The following NUFIP1 variants were observed in gnomAD, a reference collection of about 807,000 sequenced individuals.
NUFIP1 encodes the protein FMR1-interacting protein NUFIP1.
In NUFIP1, 38 loss-of-function variants were observed where a neutral mutation model predicts 56.2. The observed-to-expected ratio is 0.68, with a 90% CI of 0.52 to 0.89. The LOEUF (loss-of-function observed/expected upper bound fraction) is 0.89. Ranked by LOEUF, NUFIP1 falls within the 40% of genes least tolerant of loss-of-function variation. The pLI, the probability that NUFIP1 is intolerant of heterozygous loss-of-function variation, is 0.00. For synonymous variants in NUFIP1, 215 were observed against 212.4 expected (o/e 1.01, Z -0.10); for missense variants, 567 against 605.8 (o/e 0.94, Z 0.67).
At chr13:44,949,199 A>ATTT (rs11421255) in intron 8 of NUFIP1, among the ~76,000 whole-genome samples, 1,463 of 112,572 alleles carry the variant, frequency 0.013, 100 homozygotes, top group African/African-American at 0.033. Context: ...ATTATATTGT[A>ATTT]TTTTTTTTTT....
intron 8 of NUFIP1, among the ~76,000 whole-genome samples, chr13:44,946,749 C>T (rs755473574): frequency 6.6e-6 from 1 of 152,078 alleles, no homozygotes; most frequent in Non-Finnish European, 1.5e-5. Flanking sequence ...CAGATTGTTC[C>T]TATATATTTA....
rs146493488 is a variant in NUFIP1 at position 44,966,927 on chromosome 13, C to T, written c.735-991G>A. On this transcript the variant is annotated intron_variant, in intron 5 of 9. Coordinates refer to ENST00000379161, the MANE Select transcript of NUFIP1 (RefSeq NM_012345.3). ...GGTGGAGGTTGCAGTGACCTGAGAT[C>T]GTGCCGCTGCACTCCAGCCTAGGTG... is the stretch of plus-strand genomic sequence containing the variant. 6.6e-3 allele frequency among the ~76,000 whole-genome samples: 995 copies of T among 151,326 alleles called. 13 individuals carry two copies. Among genetic ancestry groups the T allele is most frequent in the African/African-American group, 0.023 (931 of 41,296 alleles).
At chr13:44,956,636 C>G (rs1285441109) in intron 7 of NUFIP1, among the ~76,000 whole-genome samples, 1 of 152,140 alleles carries the variant, frequency 6.6e-6, no homozygotes, top group Non-Finnish European at 1.5e-5. Flanking sequence ...AAGCACACAA[C>G]CTAAATCCCT....
chr13:44,943,531 C>A lies in NUFIP1; in HGVS notation c.1282G>T (p.Glu428Ter), dbSNP rs1199343716. The A allele has an allele frequency of 1.2e-6, 2 of 1,613,992 alleles. No individual in the cohort carries two copies. Among genetic ancestry groups the A allele is most frequent in the African/African-American group, 2.7e-5 (2 of 74,992 alleles). ...AKSENRKKSF[E>*]KTNPKRKKDY... ...TTTTTCCTCTTAGGGTTTGTTTTTT[C>A]AAAGCTTTTCTTTCGGTTCTCACTC... The change falls in exon 9 of 10, where the codon GAA (glutamate) becomes TAA (stop). Residue 428 changes from glutamate to a stop codon, truncating the protein, a stop_gained. Coordinates refer to ENST00000379161, the MANE Select transcript of NUFIP1 (RefSeq NM_012345.3). LOFTEE classifies it high-confidence loss of function.
intron 7 of NUFIP1, 107 bp downstream of exon 7, chr13:44,959,274 T>C (rs534427698): frequency 3.5e-5 from 35 of 990,802 alleles, no homozygotes; most frequent in African/African-American, 3.1e-4. Context: ...TCATTCTGCA[T>C]TGTTATACAT....
rs569028360 is a variant in NUFIP1 at position 44,983,002 on chromosome 13, T to C, written c.413-848A>G. On this transcript the variant is annotated intron_variant, in intron 1 of 9. Transcript: ENST00000379161. ...CAGTCTAGGCAACAGCACAAGACCC[T>C]GTCTCTGTCTCTTTTAAAAAAATTA... 2.0e-5 allele frequency among the ~76,000 whole-genome samples: 3 copies of C among 152,268 alleles called. No homozygotes were observed. The East Asian group carries it at 5.8e-4, about 29-fold the overall frequency.
At chr13:44,988,672 A>G (rs968477299) in intron 1 of NUFIP1, among the ~76,000 whole-genome samples, 10 of 152,212 alleles carry the variant, frequency 6.6e-5, no homozygotes, top group Non-Finnish European at 1.0e-4. Flanking sequence ...TCAATAAATA[A>G]CTGCTAAATG....
In NUFIP1 at chr13:44,943,592, A is replaced by G. The variant is rs769517482; in HGVS notation, c.1221T>C (p.Asp407=). 3.2e-5 allele frequency: 51 copies of G among 1,614,074 alleles called. No homozygotes were observed. The highest frequency in any genetic ancestry group is 3.3e-4 in the Middle Eastern group (2 of 6,082). Residue 407 remains aspartate (D), a synonymous_variant, in exon 9 of 10, where the codon GAT becomes GAC. Transcript: ENST00000379161. The part of the protein sequence containing the change: ...DSSAPKSPSQ[D]VKATVRNFSE... ...AAAAATTTCTAACAGTTGCTTTAACATCTTGACTTGGACTCTTAGGAGCAC... is the reference window on the plus strand; with the variant it reads ...AAAAATTTCTAACAGTTGCTTTAACGTCTTGACTTGGACTCTTAGGAGCAC...
At chr13:44,974,852 G>C (rs1593367911) in intron 5 of NUFIP1, among the ~76,000 whole-genome samples, 1 of 152,208 alleles carries the variant, frequency 6.6e-6, no homozygotes, top group African/African-American at 2.4e-5. Flanking sequence ...TGCCAAGGGC[G>C]AGTGACAAAG....
intron 5 of NUFIP1, among the ~76,000 whole-genome samples, chr13:44,969,425 A>G (rs929631323): frequency 6.6e-6 from 1 of 152,192 alleles, no homozygotes; most frequent in Non-Finnish European, 1.5e-5. Context: ...AAAAACATAA[A>G]TTATGTCTTA....
intron 6 of NUFIP1, among the ~76,000 whole-genome samples, chr13:44,964,712 G>T (rs1871539564): frequency 6.6e-6 from 1 of 152,138 alleles, no homozygotes; most frequent in South Asian, 2.1e-4. Context: ...ACTATCCAAG[G>T]TTGGGGGAAA....
Position 44,944,882 on chromosome 13 carries a change from A to G in NUFIP1, c.1139-1208T>C, listed in dbSNP as rs538203042. 7.9e-5 allele frequency among the ~76,000 whole-genome samples: 12 copies of G among 152,218 alleles called. 1 individual carries two copies. The South Asian group carries it at 2.5e-3, about 32-fold the overall frequency. On this transcript the variant is annotated intron_variant, in intron 8 of 9. Coordinates refer to ENST00000379161, the MANE Select transcript of NUFIP1 (RefSeq NM_012345.3). ...AATAAAAATGAAAACATAATGTATC[A>G]TATTTGTGGACTACAGCTAAAGCAG... is the stretch of plus-strand genomic sequence containing the variant.
intron 7 of NUFIP1, among the ~76,000 whole-genome samples, chr13:44,953,942 A>C (rs1459721915): frequency 6.6e-6 from 1 of 152,146 alleles, no homozygotes; most frequent in African/African-American, 2.4e-5. Context: ...AACCATATGT[A>C]ATAACACTTT....
At chr13:44,958,124 T>A (rs1419238564) in intron 7 of NUFIP1, among the ~76,000 whole-genome samples, 1 of 152,164 alleles carries the variant, frequency 6.6e-6, no homozygotes, top group East Asian at 1.9e-4. Flanking sequence ...TCAAACAATA[T>A]TTTTTTATAC....
intron 6 of NUFIP1, among the ~76,000 whole-genome samples, chr13:44,963,663 T>C (rs1871499995): frequency 6.6e-6 from 1 of 152,266 alleles, no homozygotes; most frequent in African/African-American, 2.4e-5. Flanking sequence ...ACTTTGTTAA[T>C]GTGATAAATA....
At chr13:44,983,189 G>C (rs1017046695) in intron 1 of NUFIP1, among the ~76,000 whole-genome samples, 3 of 151,792 alleles carry the variant, frequency 2.0e-5, no homozygotes, top group East Asian at 3.9e-4. Context: ...TTTTTTTGGC[G>C]GGGGAGATGC....
intron 1 of NUFIP1, among the ~76,000 whole-genome samples, chr13:44,986,912 C>G (rs541185013): frequency 1.3e-5 from 2 of 152,248 alleles, no homozygotes; most frequent in African/African-American, 4.8e-5. Context: ...GCCTCGACTT[C>G]CTGGGCTCAA....
chr13:44,963,411 A>C (rs949413896), intron 6 of NUFIP1, among the ~76,000 whole-genome samples: 31 of 152,236 alleles, frequency 2.0e-4, no homozygotes, highest in Admixed American at 2.0e-3. Context: ...TGCTAAATTC[A>C]TTTATAAAAG....
intron 7 of NUFIP1, among the ~76,000 whole-genome samples, chr13:44,954,511 A>G (rs1399894404): frequency 1.3e-5 from 2 of 152,182 alleles, no homozygotes; most frequent in Admixed American, 6.5e-5. Flanking sequence ...AAGTAGCAAA[A>G]TAACATTGCC....
Sources: allele counts gnomAD v4.1 joint callset (sites outside exome capture counted in the v4.1 genomes callset), GRCh38; gene constraint gnomAD v4.1.1; transcripts MANE v1.5; gene names NCBI Gene and HGNC (gene_info 2026-07-23, HGNC 2026-07-21).